Variants in CALCRL observed in about 807,000 individuals in gnomAD.
CALCRL encodes the protein calcitonin receptor like receptor.
A neutral mutation model predicts 60.4 loss-of-function variants in CALCRL; 27 were observed. The observed-to-expected ratio is 0.45, with a 90% CI of 0.33 to 0.62. CALCRL has a LOEUF of 0.62. Ranked by LOEUF, CALCRL falls within the 20% of genes least tolerant of loss-of-function variation. The pLI is 0.03. For missense variants in CALCRL, 424 were observed against 540.7 expected, an observed-to-expected ratio of 0.78 and a Z score of 2.14; for synonymous variants, 190 against 182.6, an observed-to-expected ratio of 1.04 and a Z score of -0.33.
At position 187,346,118 on chromosome 2, in the gene CALCRL, G is replaced by T; in HGVS notation, c.*66C>A. On this transcript the variant is annotated 3_prime_UTR_variant, in exon 15 of 15. Coordinates refer to ENST00000392370, the MANE Select transcript of CALCRL (RefSeq NM_005795.6). Reference sequence around the variant, plus strand: ...TTAATATTGAAGTCTTCTGGCTACAGAGTCATGGGTCCAAGTCCTTGAGTT... The same window carrying T: ...TTAATATTGAAGTCTTCTGGCTACATAGTCATGGGTCCAAGTCCTTGAGTT... 1.1e-6 allele frequency: 1 copy of T among 949,980 alleles called. No homozygotes were observed. 58.8% of individuals were successfully genotyped at this position (949,980 alleles called of 1,614,324 possible). A position where few individuals can be genotyped will look rare whatever the true frequency, so the allele number is the denominator to read the frequency against.
At chr2:187,376,599 C>G (rs1311948561) in intron 8 of CALCRL, among the ~76,000 whole-genome samples, 1 of 152,106 alleles carries the variant, frequency 6.6e-6, no homozygotes, top group Non-Finnish European at 1.5e-5. Context: ...TAGTTCACAG[C>G]AAGCATTTTC....
chr2:187,437,043 T>C (rs2105902883), intron 1 of CALCRL, among the ~76,000 whole-genome samples: 1 of 152,284 alleles, frequency 6.6e-6, no homozygotes, highest in Admixed American at 6.5e-5. Context: ...TCTGGTTGGC[T>C]TTTCACTCTT....
intron 1 of CALCRL, among the ~76,000 whole-genome samples, chr2:187,431,108 A>G (rs1485552890): frequency 6.6e-6 from 1 of 152,186 alleles, no homozygotes; most frequent in Non-Finnish European, 1.5e-5. Flanking sequence ...ACAGATGTCC[A>G]TAATTCCATC....
At chr2:187,436,510 C>G (rs570771704) in intron 1 of CALCRL, 1 of 152,270 alleles carries the variant, frequency 6.6e-6, no homozygotes, top group African/African-American at 2.4e-5. Flanking sequence ...TATTACCACC[C>G]AGGAGGTGGT....
chr2:187,415,769 T>G (rs1241004781), intron 1 of CALCRL: 2 of 481,010 alleles, frequency 4.2e-6, no homozygotes, highest in Admixed American at 5.6e-5. Flanking sequence ...TTTGTCAAGC[T>G]CATTTCCTTG....
chr2:187,431,872 G>T (rs981777094), intron 1 of CALCRL, among the ~76,000 whole-genome samples: 2 of 152,008 alleles, frequency 1.3e-5, no homozygotes, highest in African/African-American at 4.8e-5. Flanking sequence ...TATGATGGTG[G>T]TACACTAGAT....
intron 8 of CALCRL, among the ~76,000 whole-genome samples, chr2:187,369,877 C>A (rs1317857047): frequency 6.6e-6 from 1 of 152,040 alleles, no homozygotes; most frequent in Non-Finnish European, 1.5e-5. Context: ...GGAAGACATC[C>A]CTGTTTGTCA....
rs996368486 is a variant in CALCRL at position 187,387,414 on chromosome 2, T to C, written c.-122A>G. The C allele has an allele frequency of 1.0e-5, 2 of 191,808 alleles. No homozygotes were observed. The highest frequency in any genetic ancestry group is 2.1e-5 in the Non-Finnish European group (2 of 94,908). 11.9% of individuals were successfully genotyped at this position (191,808 alleles called of 1,614,324 possible). On this transcript the variant is annotated 5_prime_UTR_variant, in exon 3 of 15. Coordinates refer to ENST00000392370, the MANE Select transcript of CALCRL (RefSeq NM_005795.6). ...AGTTTGCAGCAGTCTTGTCAAGTTG[T>C]AGTAGTTTTCTTTTTAGTGGTAGCA...
chr2:187,419,124 C>T (rs768054168), intron 1 of CALCRL, among the ~76,000 whole-genome samples: 3 of 149,960 alleles, frequency 2.0e-5, no homozygotes, highest in African/African-American at 2.5e-5. Context: ...CCACCCGCCT[C>T]GGACTTCCAA....
At chr2:187,378,896 CAAGA>C in intron 8 of CALCRL, 40 bp downstream of exon 8, 1 of 1,142,070 alleles carries the variant, frequency 8.8e-7, no homozygotes. Flanking sequence ...GGCATTCACC[CAAGA>C]CATCTAGTAA....
chr2:187,422,893 T>G (rs1307138598), intron 1 of CALCRL, among the ~76,000 whole-genome samples: 3 of 151,974 alleles, frequency 2.0e-5, no homozygotes, highest in African/African-American at 7.2e-5. Flanking sequence ...GGGGGGTATA[T>G]TAAAAAGATA....
At chr2:187,381,961 A>G (rs982869419) in intron 5 of CALCRL, among the ~76,000 whole-genome samples, 5 of 152,184 alleles carry the variant, frequency 3.3e-5, no homozygotes, top group African/African-American at 9.6e-5. Context: ...GTTTTCTGCT[A>G]TGTCATTTTT....
At chr2:187,424,071 T>C (rs1339566963) in intron 1 of CALCRL, among the ~76,000 whole-genome samples, 3 of 152,078 alleles carry the variant, frequency 2.0e-5, no homozygotes, top group South Asian at 2.1e-4. Flanking sequence ...TGATGCCATA[T>C]AGACAAAACA....
intron 8 of CALCRL, among the ~76,000 whole-genome samples, chr2:187,366,197 T>C (rs929098319): frequency 2.2e-4 from 30 of 134,660 alleles, no homozygotes; most frequent in African/African-American, 7.6e-4. Flanking sequence ...GAGCCGAGAT[T>C]GCGCCACTGC....
chr2:187,365,791 G>A (rs1342339239), intron 8 of CALCRL, among the ~76,000 whole-genome samples: 1 of 152,096 alleles, frequency 6.6e-6, no homozygotes, highest in East Asian at 1.9e-4. Context: ...AATGAAATAA[G>A]CCATGAACAG....
intron 1 of CALCRL, among the ~76,000 whole-genome samples, chr2:187,406,983 A>C (rs1421321320): frequency 6.6e-6 from 1 of 151,970 alleles, no homozygotes; most frequent in Non-Finnish European, 1.5e-5. Flanking sequence ...CCTTATTTGA[A>C]CTCATAACTT....
intron 1 of CALCRL, among the ~76,000 whole-genome samples, chr2:187,403,946 G>T (rs903374308): frequency 6.6e-6 from 1 of 151,856 alleles, no homozygotes. Context: ...GAGAACTGCC[G>T]CTTAAGAACA....
At chr2:187,352,613 C>A (rs938446241) in intron 12 of CALCRL, among the ~76,000 whole-genome samples, 1 of 151,862 alleles carries the variant, frequency 6.6e-6, no homozygotes, top group Non-Finnish European at 1.5e-5. Context: ...CAGTTTTTCT[C>A]AGCTCATTTT....
chr2:187,372,873 G>A (rs1486938694), intron 8 of CALCRL, among the ~76,000 whole-genome samples: 1 of 152,110 alleles, frequency 6.6e-6, no homozygotes, highest in African/African-American at 2.4e-5. Flanking sequence ...GACTCCACAA[G>A]AACATGATTC....
Sources: allele counts gnomAD v4.1 joint callset (sites outside exome capture counted in the v4.1 genomes callset), GRCh38; gene constraint gnomAD v4.1.1; transcripts MANE v1.5; gene names NCBI Gene and HGNC (gene_info 2026-07-23, HGNC 2026-07-21).